Variants in NEGR1 observed in about 807,000 individuals in gnomAD.
The protein encoded by NEGR1 is neuronal growth regulator 1, also known as IgLON family member 4.
NEGR1 carries 10 observed loss-of-function variants against 40.9 expected under a neutral mutation model. The observed-to-expected ratio is 0.24, with a 90% CI of 0.15 to 0.42. The LOEUF is 0.42. Ranked by LOEUF, NEGR1 falls within the 10% of genes least tolerant of loss-of-function variation. The probability of loss-of-function intolerance (pLI) is 1.00; values close to 1 mark genes in which losing one functional copy is unlikely to be tolerated. For synonymous variants in NEGR1, 185 were observed against 166.8 expected (o/e 1.11, Z -0.84); for missense variants, 352 against 438.9 (o/e 0.80, Z 1.77).
intron 6 of NEGR1, among the ~76,000 whole-genome samples, chr1:71,445,868 T>G (rs1325884851): frequency 6.6e-6 from 1 of 152,172 alleles, no homozygotes; most frequent in East Asian, 1.9e-4. Flanking sequence ...AGTGTGATAT[T>G]CCGGTGCTAA....
chr1:72,186,519 CTAAAGTCTCAGTT>C (rs1263651675), intron 1 of NEGR1, among the ~76,000 whole-genome samples: 1 of 151,480 alleles, frequency 6.6e-6, no homozygotes, highest in African/African-American at 2.4e-5. Flanking sequence ...GGTACCAATG[CTAAAGTCTCAGTT>C]TAACTACTTA....
chr1:71,505,448 A>AT (rs768547679), intron 6 of NEGR1, among the ~76,000 whole-genome samples: 1 of 151,844 alleles, frequency 6.6e-6, no homozygotes, highest in African/African-American at 2.4e-5. Context: ...CGCCAGACTA[A>AT]TTTTTTGCAT....
At chr1:71,449,176 T>C (rs925370689) in intron 6 of NEGR1, among the ~76,000 whole-genome samples, 6 of 152,204 alleles carry the variant, frequency 3.9e-5, no homozygotes, top group African/African-American at 1.2e-4. Flanking sequence ...TATTGTAATA[T>C]CTAGGTTAAG....
intron 1 of NEGR1, chr1:72,274,798 G>A (rs771263406): frequency 4.9e-5 from 71 of 1,456,708 alleles, no homozygotes; most frequent in Admixed American, 6.7e-5. Flanking sequence ...AAAAGATCGG[G>A]TAGAAAAAGT....
intron 1 of NEGR1, among the ~76,000 whole-genome samples, chr1:72,134,710 A>C (rs1051384873): frequency 9.9e-5 from 15 of 151,328 alleles, no homozygotes; most frequent in Admixed American, 3.9e-4. Context: ...AGATGAAGTA[A>C]AAGATATTTA....
intron 1 of NEGR1, among the ~76,000 whole-genome samples, chr1:72,261,300 T>G (rs531152103): frequency 6.6e-6 from 1 of 152,224 alleles, no homozygotes; most frequent in African/African-American, 2.4e-5. Flanking sequence ...ACACCTAACA[T>G]AATGTATTAT....
intron 1 of NEGR1, among the ~76,000 whole-genome samples, chr1:72,157,807 C>T (rs926214430): frequency 1.3e-5 from 2 of 152,164 alleles, no homozygotes; most frequent in African/African-American, 4.8e-5. Context: ...CCCTTTGAAG[C>T]CTTTTCCATT....
At chr1:71,903,566 G>T (rs1350348070) in intron 2 of NEGR1, among the ~76,000 whole-genome samples, 1 of 151,862 alleles carries the variant, frequency 6.6e-6, no homozygotes, top group African/African-American at 2.4e-5. Context: ...CATGAATAAG[G>T]TGATACATTT....
Position 71,962,372 on chromosome 1 carries a change from T to C in NEGR1, c.177-27061A>G, listed in dbSNP as rs1646172553. On this transcript the variant is annotated intron_variant, in intron 1 of 6. Coordinates refer to ENST00000357731, the MANE Select transcript of NEGR1 (RefSeq NM_173808.3). ...CCACAGCATTTGCTTTTGCATATTC[T>C]TCCTTTAAAAATAATTTATTCTCTT... Among the ~76,000 whole-genome samples the C allele has an allele frequency of 1.3e-5, 2 of 152,098 alleles. 1 individual carries two copies. The highest frequency in any genetic ancestry group is 2.9e-5 in the Non-Finnish European group (2 of 67,968).
At chr1:71,638,908 C>T (rs1177327940) in intron 4 of NEGR1, among the ~76,000 whole-genome samples, 2 of 151,584 alleles carry the variant, frequency 1.3e-5, no homozygotes, top group Admixed American at 1.3e-4. Context: ...TGTCTTAGTA[C>T]TGAGAGAAAA....
At chr1:71,904,665 T>C (rs963791604) in intron 2 of NEGR1, among the ~76,000 whole-genome samples, 1 of 152,170 alleles carries the variant, frequency 6.6e-6, no homozygotes, top group Admixed American at 6.5e-5. Context: ...CAATTGCTTA[T>C]ACAACTGCCT....
intron 2 of NEGR1, among the ~76,000 whole-genome samples, chr1:71,927,491 T>C (rs1645785695): frequency 6.6e-6 from 1 of 152,130 alleles, no homozygotes; most frequent in Admixed American, 6.6e-5. Flanking sequence ...GGTATATTTG[T>C]GGAAATAATC....
chr1:72,194,046 A>C, intron 1 of NEGR1, among the ~76,000 whole-genome samples: 1 of 151,878 alleles, frequency 6.6e-6, no homozygotes, highest in East Asian at 1.9e-4. Context: ...ACTGAAGGTA[A>C]ATTTTTTAGA....
intron 1 of NEGR1, among the ~76,000 whole-genome samples, chr1:71,946,278 T>C (rs1646018113): frequency 6.6e-6 from 1 of 152,110 alleles, no homozygotes. Flanking sequence ...GTCTATTATG[T>C]TGCCCAGGGT....
intron 4 of NEGR1, among the ~76,000 whole-genome samples, chr1:71,639,519 A>G (rs1262801523): frequency 5.9e-5 from 9 of 152,064 alleles, no homozygotes; most frequent in Admixed American, 5.9e-4. Flanking sequence ...GTCTTGAAGT[A>G]TAGTGGAAGA....
chr1:71,894,213 A>G (rs1033682684), intron 2 of NEGR1, among the ~76,000 whole-genome samples: 9 of 148,420 alleles, frequency 6.1e-5, no homozygotes, highest in African/African-American at 2.2e-4. Context: ...CCTAAAACTT[A>G]AAGTATAATA....
intron 1 of NEGR1, among the ~76,000 whole-genome samples, chr1:72,090,629 T>C (rs1373978823): frequency 1.3e-5 from 2 of 152,160 alleles, no homozygotes; most frequent in African/African-American, 4.8e-5. Context: ...TAATTTTTTT[T>C]TTAAACAGGA....
At chr1:71,913,658 A>C (rs143576882) in intron 2 of NEGR1, among the ~76,000 whole-genome samples, 33 of 152,278 alleles carry the variant, frequency 2.2e-4, no homozygotes, top group African/African-American at 7.9e-4. Flanking sequence ...CTTTCTATTC[A>C]TTTTACCCTG....
At chr1:71,854,855 CA>C (rs1386260833) in intron 2 of NEGR1, among the ~76,000 whole-genome samples, 4 of 152,098 alleles carry the variant, frequency 2.6e-5, no homozygotes, top group African/African-American at 4.8e-5. Flanking sequence ...AGGTCCGTCC[CA>C]GGACACATGG....
Sources: gnomAD v4.1 joint callset for allele counts (sites outside exome capture counted in the v4.1 genomes callset) on GRCh38, gnomAD v4.1.1 for gene constraint, MANE v1.5 for transcripts, NCBI Gene and HGNC (gene_info 2026-07-23, HGNC 2026-07-21) for gene names.